MAX: variants seen among roughly 807,000 people sequenced by gnomAD.
MAX encodes the protein MYC associated transcriptional regulator X.
Under a neutral mutation model 22.3 loss-of-function variants are expected in MAX, and 3 were observed. The ratio of observed to expected loss-of-function variants is 0.13; its 90% confidence interval spans 0.06 to 0.35. MAX has a LOEUF of 0.35. Among genes scored for constraint, MAX ranks in the 10% least tolerant of loss-of-function variants. MAX has a pLI of 1.00. For missense variants in MAX, 119 were observed against 209.4 expected, an observed-to-expected ratio of 0.57 and a Z score of 2.66; for synonymous variants, 72 against 77.7, an observed-to-expected ratio of 0.93 and a Z score of 0.39.
chr14:65,040,874 G>A (rs768199579), intron 3 of MAX: 1 of 1,613,968 alleles, frequency 6.2e-7, no homozygotes, highest in Non-Finnish European at 8.5e-7. Flanking sequence ...TGGCCGCGCT[G>A]GTAATCCTCA....
chr14:65,032,682 T>A lies in MAX; in HGVS notation c.172-26398A>T, dbSNP rs2062109524. Reference sequence around the variant, plus strand: ...CTCCAGACCTCTTTGAGGGCACTGCTGAATGGATAGCAAGGTGAGAGAAGC... The same window carrying A: ...CTCCAGACCTCTTTGAGGGCACTGCAGAATGGATAGCAAGGTGAGAGAAGC... On this transcript the variant is annotated intron_variant, in intron 3 of 3. Coordinates refer to the MAX transcript ENST00000341653. This position sits in a 1 kb window ranked among gnomAD's most constrained non-coding sequence, Gnocchi z 5.0. 2 of 1,613,698 alleles carry A rather than the reference T, an allele frequency of 1.2e-6. No individual in the cohort carries two copies.
chr14:65,102,011 G>A (rs2063859380), intron 1 of MAX, among the ~76,000 whole-genome samples: 1 of 152,174 alleles, frequency 6.6e-6, no homozygotes, highest in Non-Finnish European at 1.5e-5. Flanking sequence ...CTTGTCCCCC[G>A]GATCCTGAGC....
At chr14:65,034,627 C>T (rs2062150921) in intron 3 of MAX, among the ~76,000 whole-genome samples, 1 of 152,176 alleles carries the variant, frequency 6.6e-6, no homozygotes, top group South Asian at 2.1e-4. Context: ...GGAGAGTAGG[C>T]ACTGCCTGTG....
intron 3 of MAX, among the ~76,000 whole-genome samples, chr14:65,024,913 CT>C (rs917045460): frequency 3.3e-5 from 5 of 152,200 alleles, no homozygotes; most frequent in African/African-American, 1.2e-4. Context: ...GCCACTATGC[CT>C]GGCTCCTTTT....
At chr14:65,053,828 C>G (rs1009096832) in intron 3 of MAX, among the ~76,000 whole-genome samples, 1 of 152,106 alleles carries the variant, frequency 6.6e-6, no homozygotes, top group Non-Finnish European at 1.5e-5. Context: ...TCTGTCTTCC[C>G]CCATCCCAGC....
chr14:65,043,586 G>C (rs1430577857), intron 3 of MAX, among the ~76,000 whole-genome samples: 1 of 152,068 alleles, frequency 6.6e-6, no homozygotes, highest in Non-Finnish European at 1.5e-5. Context: ...ACTTTGGGAG[G>C]CCGAGGCGGG....
At position 65,014,190 on chromosome 14, in the gene MAX, T is replaced by G. The variant is rs1183084235; in HGVS notation, c.172-7906A>C. Reference sequence around the variant, plus strand: ...TTATAATCTGAAAAAGGTTAATCTTTGGACCTCATTTATATATTTTAATTT... The same window carrying G: ...TTATAATCTGAAAAAGGTTAATCTTGGGACCTCATTTATATATTTTAATTT... On this transcript the variant is annotated intron_variant, in intron 3 of 3. Transcript: ENST00000341653. The surrounding 1 kb of genome is among the most constrained non-coding windows in gnomAD (Gnocchi z 5.1). Among the ~76,000 whole-genome samples the G allele has an allele frequency of 6.6e-6, 1 of 152,252 alleles. No individual in the cohort carries two copies. Among genetic ancestry groups the G allele is most frequent in the East Asian group, 1.9e-4 (1 of 5,204 alleles).
rs898972632 is a variant in MAX, at chr14:65,023,807, A to C, written c.172-17523T>G. On this transcript the variant is annotated intron_variant, in intron 3 of 3. Coordinates refer to the MAX transcript ENST00000341653. This position sits in a 1 kb window ranked among gnomAD's most constrained non-coding sequence, Gnocchi z 4.1. ...GCTATCACCTGGGAACTTATTAGAA[A>C]TGAGGACTCTCAGCCGGGCATGGTG... 6.6e-5 allele frequency among the ~76,000 whole-genome samples: 10 copies of C among 152,326 alleles called. No homozygotes were observed. The highest frequency in any genetic ancestry group is 1.5e-4 in the Non-Finnish European group (10 of 68,034).
intron 3 of MAX, among the ~76,000 whole-genome samples, chr14:65,016,039 C>T (rs557079052): frequency 6.6e-6 from 1 of 152,306 alleles, no homozygotes; most frequent in South Asian, 2.1e-4. Flanking sequence ...CCAGAAAGTA[C>T]AGTATGCATT....
rs1480214935 is a variant in MAX at position 65,075,539 on chromosome 14, G to A, written c.*937C>T. The A allele has an allele frequency of 3.8e-6, 4 of 1,065,562 alleles. No individual in the cohort carries two copies. Among genetic ancestry groups the A allele is most frequent in the South Asian group, 4.5e-5 (1 of 21,988 alleles). The allele number at this position is 1,065,562 out of a possible 1,614,324, so 66.0% of individuals were successfully genotyped here. A position where few individuals can be genotyped will look rare whatever the true frequency, so the allele number is the denominator to read the frequency against. ...TATTTCTTAGAAATACACACGGGAA[G>A]AAAGAAAGATTTCATCATTACTTTA... is the stretch of plus-strand genomic sequence containing the variant. On this transcript the variant is annotated 3_prime_UTR_variant, in exon 5 of 5. Transcript: ENST00000358664. The surrounding 1 kb of genome is among the most constrained non-coding windows in gnomAD (Gnocchi z 4.1).
rs1181017296 is a variant in MAX, at chr14:65,088,553, C to G, written c.171+5155G>C. Among the ~76,000 whole-genome samples the G allele has an allele frequency of 6.6e-6, 1 of 152,188 alleles. No individual in the cohort carries two copies. Among genetic ancestry groups the G allele is most frequent in the Non-Finnish European group, 1.5e-5 (1 of 68,040 alleles). On this transcript the variant is annotated intron_variant, in intron 3 of 4. Transcript: ENST00000358664. This position sits in a 1 kb window ranked among gnomAD's most constrained non-coding sequence, Gnocchi z 5.2. ...TTAAACGACAATCCCTCTAGCAGCTCAGATATGCTATAGACATAGGTTACC... is the reference window on the plus strand; with the variant it reads ...TTAAACGACAATCCCTCTAGCAGCTGAGATATGCTATAGACATAGGTTACC...
In MAX at chr14:65,027,778, T is replaced by C. The variant is rs1182661054; in HGVS notation, c.172-21494A>G. 6.2e-7 allele frequency: 1 copy of C among 1,614,096 alleles called. No homozygotes were observed. Among genetic ancestry groups the C allele is most frequent in the Non-Finnish European group, 8.5e-7 (1 of 1,179,996 alleles). On this transcript the variant is annotated intron_variant, in intron 3 of 3. Transcript: ENST00000341653. This position sits in a 1 kb window ranked among gnomAD's most constrained non-coding sequence, Gnocchi z 5.7. ...ATGCATGTCGGAGGTGAGGTGGATG[T>C]GAGGTGAGTGGGGTTTTGCACAGGC...
intron 3 of MAX, among the ~76,000 whole-genome samples, chr14:65,020,042 C>T (rs935621676): frequency 2.0e-5 from 3 of 152,140 alleles, no homozygotes; most frequent in Non-Finnish European, 4.4e-5. Flanking sequence ...ATTTTCCTGC[C>T]TTCTTTTCCC....
Position 65,037,402 on chromosome 14 carries a change from CCTTTTTTTT to C in MAX, c.172-31127_172-31119del, listed in dbSNP as rs1259469347. ...ATAGGCGTGAGCCACCACGCCGGGC[CCTTTTTTTT>C]TTTTTTTTTTTTTTTTTTTTTTTTT... On this transcript the variant is annotated intron_variant, in intron 3 of 3. Coordinates refer to the MAX transcript ENST00000341653. Among the ~76,000 whole-genome samples, 18 of 14,528 alleles carry C rather than the reference CCTTTTTTTT, an allele frequency of 1.2e-3. 4 individuals are homozygous for C. Among genetic ancestry groups the C allele is most frequent in the Admixed American group, 2.1e-3 (3 of 1,408 alleles). 9.5% of individuals were successfully genotyped at this position (14,528 alleles called of 152,430 possible).
rs912926576 is a variant in MAX, at chr14:65,059,054, ACT to A, written c.171+34652_171+34653del. ...TTTTCTTTTTCAGAGACATGATCTC[ACT>A]CTGTCACTCATGCTGGAGTACAGTG... On this transcript the variant is annotated intron_variant, in intron 3 of 3. Coordinates refer to the MAX transcript ENST00000341653. 1.4e-4 allele frequency among the ~76,000 whole-genome samples: 21 copies of A among 151,992 alleles called. 1 individual carries two copies. Among genetic ancestry groups the A allele is most frequent in the Admixed American group, 1.2e-3 (19 of 15,248 alleles).
rs2062036046 is a variant in MAX, at chr14:65,029,164, GCTTT to G, written c.172-22884_172-22881del. 1.3e-5 allele frequency among the ~76,000 whole-genome samples: 2 copies of G among 152,278 alleles called. No individual in the cohort carries two copies. The highest frequency in any genetic ancestry group is 4.8e-5 in the African/African-American group (2 of 41,538). ...GTGATGCTCTGCCATTCGTGCCCGT[GCTTT>G]CTATTTACATAAAGGATTAAAGATA... On this transcript the variant is annotated intron_variant, in intron 3 of 3. Coordinates refer to the MAX transcript ENST00000341653. The surrounding 1 kb of genome is among the most constrained non-coding windows in gnomAD (Gnocchi z 4.7).
rs34879850 is a variant in MAX at position 65,047,978 on chromosome 14, ATTTTTT to A, written c.172-41700_172-41695del. On this transcript the variant is annotated intron_variant, in intron 3 of 3. Coordinates refer to the MAX transcript ENST00000341653. This position sits in a 1 kb window ranked among gnomAD's most constrained non-coding sequence, Gnocchi z 5.2. ...AGACAGAAGGAGGGAGACTTTTTAG[ATTTTTT>A]TTTTTTTTTTTTTTTTTTTTTGAGA... 3.1e-5 allele frequency among the ~76,000 whole-genome samples: 2 copies of A among 64,128 alleles called. No individual in the cohort carries two copies. The highest frequency in any genetic ancestry group is 2.1e-4 in the Admixed American group (1 of 4,698). 42.1% of individuals were successfully genotyped at this position (64,128 alleles called of 152,430 possible). A position where few individuals can be genotyped will look rare whatever the true frequency, so the allele number is the denominator to read the frequency against.
At chr14:65,057,085 C>T (rs774808532) in intron 3 of MAX, among the ~76,000 whole-genome samples, 18 of 152,308 alleles carry the variant, frequency 1.2e-4, no homozygotes, top group East Asian at 3.9e-4. Flanking sequence ...TGAGAGCTCA[C>T]GCACTACTGC....
At position 65,011,761 on chromosome 14, in the gene MAX, C is replaced by T. The variant is rs994636539; in HGVS notation, c.172-5477G>A. On this transcript the variant is annotated intron_variant, in intron 3 of 3. Coordinates refer to the MAX transcript ENST00000341653. The surrounding 1 kb of genome is among the most constrained non-coding windows in gnomAD (Gnocchi z 4.0). ...AAGGACAGCGACTGGCTGCAGAACACGGTCCTCTGGCCAGGGCTGTGGGTC... is the reference window on the plus strand; with the variant it reads ...AAGGACAGCGACTGGCTGCAGAACATGGTCCTCTGGCCAGGGCTGTGGGTC... Among the ~76,000 whole-genome samples the T allele has an allele frequency of 5.9e-5, 9 of 152,180 alleles. No individual in the cohort carries two copies. Among genetic ancestry groups the T allele is most frequent in the South Asian group, 2.1e-4 (1 of 4,834 alleles).
Sources: gnomAD v4.1 joint callset for allele counts (sites outside exome capture counted in the v4.1 genomes callset) on GRCh38, gnomAD v4.1.1 for gene constraint, Gnocchi (gnomAD v3.1) non-coding constraint, MANE v1.5 for transcripts, NCBI Gene and HGNC (gene_info 2026-07-23, HGNC 2026-07-21) for gene names.